TBC1D5: variants seen among roughly 807,000 people sequenced by gnomAD.
TBC1D5 encodes TBC1 domain family, member 5.
Under a neutral mutation model 100.3 loss-of-function variants are expected in TBC1D5, and 75 were observed. The ratio of observed to expected loss-of-function variants is 0.75; its 90% CI spans 0.62 to 0.91. The LOEUF is 0.91. Ranked by LOEUF, TBC1D5 falls within the 40% of genes least tolerant of loss-of-function variation. TBC1D5 has a pLI of 0.00. For missense variants in TBC1D5, 910 were observed against 942.4 expected (o/e 0.97, Z 0.45); for synonymous variants, 323 against 325.6 (o/e 0.99, Z 0.09).
At position 17,452,999 on chromosome 3, in the gene TBC1D5, C is replaced by A. The variant is rs181097402; in HGVS notation, c.98-24480G>T. On this transcript the variant is annotated intron_variant, in intron 3 of 21. Transcript: ENST00000253692. ...ATGGAATAAAACTACAAATCAATAA[C>A]AAGAGGAATTTTCAAAACTATGCAA... 3.6e-3 allele frequency among the ~76,000 whole-genome samples: 526 copies of A among 146,398 alleles called. 4 individuals are homozygous for A. Among genetic ancestry groups the A allele is most frequent in the African/African-American group, 0.013 (499 of 39,714 alleles).
intron 4 of TBC1D5, among the ~76,000 whole-genome samples, chr3:17,426,244 G>A (rs1352351480): frequency 6.6e-6 from 1 of 151,938 alleles, no homozygotes; most frequent in Non-Finnish European, 1.5e-5. Flanking sequence ...CTGAAAATTC[G>A]ACTGCCATTT....
intron 4 of TBC1D5, among the ~76,000 whole-genome samples, chr3:17,411,641 A>AT (rs1392765100): frequency 6.6e-6 from 1 of 152,158 alleles, no homozygotes; most frequent in Non-Finnish European, 1.5e-5. Context: ...GTACTAAGAA[A>AT]TTGTAAAAGT....
At chr3:17,237,343 A>G (rs1001147595) in intron 17 of TBC1D5, among the ~76,000 whole-genome samples, 1 of 152,230 alleles carries the variant, frequency 6.6e-6, no homozygotes, top group African/African-American at 2.4e-5. Context: ...GCTGTTTCCA[A>G]TTTCTTTTGA....
intron 3 of TBC1D5, among the ~76,000 whole-genome samples, chr3:17,494,586 C>A (rs2095680891): frequency 6.6e-6 from 1 of 152,206 alleles, no homozygotes; most frequent in South Asian, 2.1e-4. Flanking sequence ...GATCAGAGTT[C>A]TGTCTGTAAG....
chr3:17,314,813 G>A lies in TBC1D5; in HGVS notation c.996-6679C>T, dbSNP rs561173797. 2.4e-4 allele frequency among the ~76,000 whole-genome samples: 36 copies of A among 152,336 alleles called. No homozygotes were observed. In the East Asian group the frequency reaches 2.9e-3, roughly 12 times the overall value. On this transcript the variant is annotated intron_variant, in intron 13 of 21. Coordinates refer to ENST00000253692, the Ensembl canonical transcript of TBC1D5. ...ATTCATGTAAAATGTTACTCCATGA[G>A]GAGAGAAAAAGCAAAAGTTATTGGA... is the stretch of plus-strand genomic sequence containing the variant.
At chr3:17,420,677 C>T (rs2094186937) in intron 4 of TBC1D5, among the ~76,000 whole-genome samples, 1 of 152,094 alleles carries the variant, frequency 6.6e-6, no homozygotes, top group Non-Finnish European at 1.5e-5. Context: ...ATTTAATTGA[C>T]TTTGTATATT....
intron 13 of TBC1D5, among the ~76,000 whole-genome samples, chr3:17,353,939 G>A (rs1366323133): frequency 6.6e-6 from 1 of 151,942 alleles, no homozygotes; most frequent in Non-Finnish European, 1.5e-5. Flanking sequence ...CCTCACATAT[G>A]CTCATATACA....
At chr3:17,475,826 T>C (rs2095431637) in intron 3 of TBC1D5, among the ~76,000 whole-genome samples, 1 of 152,126 alleles carries the variant, frequency 6.6e-6, no homozygotes, top group African/African-American at 2.4e-5. Context: ...TCAATTTTCT[T>C]GTAATGCCAA....
At chr3:17,565,961 G>A (rs764776937) in intron 2 of TBC1D5, among the ~76,000 whole-genome samples, 2 of 151,696 alleles carry the variant, frequency 1.3e-5, no homozygotes, top group Non-Finnish European at 2.9e-5. Flanking sequence ...CACAATATTT[G>A]AGATTGCTTT....
chr3:17,438,671 T>C (rs1182378620), intron 3 of TBC1D5, among the ~76,000 whole-genome samples: 2 of 152,224 alleles, frequency 1.3e-5, no homozygotes, highest in African/African-American at 2.4e-5. Flanking sequence ...TATTTCTTCA[T>C]AGCAGTGTGA....
At chr3:17,736,499 T>C (rs574216005) in intron 1 of TBC1D5, among the ~76,000 whole-genome samples, 3 of 152,294 alleles carry the variant, frequency 2.0e-5, no homozygotes, top group Non-Finnish European at 4.4e-5. Flanking sequence ...TCTAGTTTAA[T>C]GAATATGCAG....
intron 3 of TBC1D5, among the ~76,000 whole-genome samples, chr3:17,455,330 ATATG>A (rs1047535728): frequency 6.2e-4 from 89 of 143,714 alleles, no homozygotes; most frequent in Non-Finnish European, 7.6e-4. Flanking sequence ...ATATGTGTAT[ATATG>A]TATATGTATA....
chr3:17,194,511 C>G (rs929358130), intron 18 of TBC1D5, among the ~76,000 whole-genome samples: 1 of 152,140 alleles, frequency 6.6e-6, no homozygotes, highest in Non-Finnish European at 1.5e-5. Context: ...TCATTAAAAA[C>G]AAGTGAAATA....
rs148875846 is a variant in TBC1D5, at chr3:17,196,872, C to G, written c.1753-11664G>C. Among the ~76,000 whole-genome samples the G allele has an allele frequency of 4.7e-3, 722 of 152,272 alleles. 3 individuals carry two copies. The highest frequency in any genetic ancestry group is 0.017 in the Middle Eastern group (5 of 294). On this transcript the variant is annotated intron_variant, in intron 18 of 21. Transcript: ENST00000253692. ...TTGTTTTGAAAATGTGAACTTGTTT[C>G]AATGAGATCAATGTATTAGGGAATA...
At chr3:17,197,119 A>G (rs768471731) in intron 18 of TBC1D5, among the ~76,000 whole-genome samples, 1 of 152,204 alleles carries the variant, frequency 6.6e-6, no homozygotes, top group African/African-American at 2.4e-5. Flanking sequence ...TTCCATCCAG[A>G]TAACTCTCCT....
chr3:17,248,798 C>A (rs2076957235), intron 16 of TBC1D5, among the ~76,000 whole-genome samples: 1 of 152,142 alleles, frequency 6.6e-6, no homozygotes, highest in Admixed American at 6.5e-5. Flanking sequence ...TACGGAAGTC[C>A]TTTGCAGCAT....
intron 14 of TBC1D5, among the ~76,000 whole-genome samples, chr3:17,302,242 A>G (rs768338543): frequency 2.8e-4 from 42 of 151,788 alleles, no homozygotes; most frequent in Non-Finnish European, 5.3e-4. Flanking sequence ...AGATAATATC[A>G]CTCCAACCTC....
At chr3:17,463,125 C>CTACT (rs2095244177) in intron 3 of TBC1D5, among the ~76,000 whole-genome samples, 1 of 152,194 alleles carries the variant, frequency 6.6e-6, no homozygotes, top group African/African-American at 2.4e-5. Context: ...TCCTGCTGTA[C>CTACT]TACTATTCTG....
chr3:17,326,860 G>C (rs1179280787), intron 13 of TBC1D5, among the ~76,000 whole-genome samples: 1 of 152,188 alleles, frequency 6.6e-6, no homozygotes, highest in East Asian at 1.9e-4. Context: ...TAACTTAGGA[G>C]ACAGCAATCA....
Sources: allele counts gnomAD v4.1 joint callset (sites outside exome capture counted in the v4.1 genomes callset), GRCh38; gene constraint gnomAD v4.1.1; transcripts MANE v1.5; gene names NCBI Gene and HGNC (gene_info 2026-07-23, HGNC 2026-07-21).